DCDC2: variants seen among roughly 807,000 people sequenced by gnomAD.
DCDC2 encodes doublecortin domain containing 2, also known as doublecortin domain-containing protein 2.
DCDC2 carries 40 observed loss-of-function variants against 50.2 expected under a neutral mutation model. The ratio of observed to expected loss-of-function variants is 0.80; its 90% confidence interval spans 0.62 to 1.04. DCDC2 has a LOEUF of 1.04. Ranked by LOEUF, DCDC2 falls within the 50% of genes least tolerant of loss-of-function variation. The pLI, the probability that DCDC2 is intolerant of heterozygous loss-of-function variation, is 0.00. For missense variants in DCDC2, 570 were observed against 581.9 expected, an observed-to-expected ratio of 0.98 and a Z score of 0.21; for synonymous variants, 234 against 210.6, an observed-to-expected ratio of 1.11 and a Z score of -0.96.
intron 7 of DCDC2, among the ~76,000 whole-genome samples, chr6:24,240,068 T>G (rs1762533293): frequency 6.6e-6 from 1 of 152,200 alleles, no homozygotes; most frequent in African/African-American, 2.4e-5. Context: ...CAATGTAATA[T>G]AGTTAAAATA....
intron 4 of DCDC2, among the ~76,000 whole-genome samples, chr6:24,291,634 C>T (rs1468331931): frequency 6.6e-6 from 1 of 151,180 alleles, no homozygotes; most frequent in Non-Finnish European, 1.5e-5. Flanking sequence ...TACAGGCGCC[C>T]GCCACTACGC....
intron 2 of DCDC2, among the ~76,000 whole-genome samples, chr6:24,333,884 T>G (rs1425853754): frequency 6.6e-6 from 1 of 152,096 alleles, no homozygotes; most frequent in Non-Finnish European, 1.5e-5. Flanking sequence ...GAGGGTGAAT[T>G]TCAGAAACAG....
At chr6:24,354,099 A>G (rs1760423617) in intron 1 of DCDC2, among the ~76,000 whole-genome samples, 1 of 152,178 alleles carries the variant, frequency 6.6e-6, no homozygotes. Flanking sequence ...ACACTCACTC[A>G]TGTGGGATGA....
chr6:24,231,428 C>T (rs943185588), intron 7 of DCDC2, among the ~76,000 whole-genome samples: 1 of 152,166 alleles, frequency 6.6e-6, no homozygotes, highest in Admixed American at 6.5e-5. Context: ...GAAGCTGACT[C>T]TTTCTCTGGA....
intron 2 of DCDC2, among the ~76,000 whole-genome samples, chr6:24,305,380 C>T (rs1439651567): frequency 1.3e-5 from 2 of 152,228 alleles, no homozygotes; most frequent in African/African-American, 4.8e-5. Context: ...TTACTGTTTT[C>T]AGATACACTA....
chr6:24,321,925 A>T (rs1331040057), intron 2 of DCDC2, among the ~76,000 whole-genome samples: 2 of 151,446 alleles, frequency 1.3e-5, no homozygotes, highest in Admixed American at 1.3e-4. Context: ...TTTCTTGAAG[A>T]CTAGTTTTGT....
intron 7 of DCDC2, among the ~76,000 whole-genome samples, chr6:24,210,179 C>A (rs1259009539): frequency 6.6e-6 from 1 of 151,990 alleles, no homozygotes; most frequent in African/African-American, 2.4e-5. Context: ...TATTGGCCCA[C>A]CTCAGAGCTG....
intron 2 of DCDC2, among the ~76,000 whole-genome samples, chr6:24,338,617 T>C (rs568660412): frequency 5.3e-5 from 8 of 152,330 alleles, no homozygotes; most frequent in African/African-American, 1.9e-4. Flanking sequence ...AATTCCCTGA[T>C]GAAATCCCTT....
At chr6:24,245,342 C>A (rs528996044) in intron 7 of DCDC2, among the ~76,000 whole-genome samples, 5 of 152,130 alleles carry the variant, frequency 3.3e-5, no homozygotes, top group Non-Finnish European at 7.4e-5. Flanking sequence ...AGCATAAAAC[C>A]GGGACCATTC....
the DCDC2 span, among the ~76,000 whole-genome samples, chr6:24,371,276 C>CAAAAAAA: frequency 9.8e-6 from 1 of 102,020 alleles, no homozygotes; most frequent in Non-Finnish European, 2.0e-5. Context: ...CACTCCATCT[C>CAAAAAAA]AAAAAAAAAA....
At chr6:24,227,898 G>A (rs1762264641) in intron 7 of DCDC2, among the ~76,000 whole-genome samples, 1 of 152,206 alleles carries the variant, frequency 6.6e-6, no homozygotes, top group South Asian at 2.1e-4. Flanking sequence ...CAGGAAGGAA[G>A]AGATTAAAGA....
intron 7 of DCDC2, among the ~76,000 whole-genome samples, chr6:24,229,085 C>T (rs1762289416): frequency 6.6e-6 from 1 of 152,206 alleles, no homozygotes; most frequent in Admixed American, 6.5e-5. Context: ...TTTCCTACAG[C>T]TACTGTTATA....
chr6:24,202,437 T>C (rs927712376), intron 8 of DCDC2, among the ~76,000 whole-genome samples: 2 of 152,158 alleles, frequency 1.3e-5, no homozygotes, highest in African/African-American at 2.4e-5. Context: ...CAACACTCTT[T>C]CATGCTAAAA....
At chr6:24,220,392 C>G (rs1762072886) in intron 7 of DCDC2, among the ~76,000 whole-genome samples, 1 of 152,052 alleles carries the variant, frequency 6.6e-6, no homozygotes, top group African/African-American at 2.4e-5. Context: ...TTAACAACAA[C>G]AAAAAAACAA....
intron 2 of DCDC2, among the ~76,000 whole-genome samples, chr6:24,328,415 T>C (rs1041459657): frequency 2.6e-5 from 4 of 152,252 alleles, no homozygotes; most frequent in Non-Finnish European, 5.9e-5. Flanking sequence ...ATTGAGGCCA[T>C]AACTTGTATC....
intron 7 of DCDC2, among the ~76,000 whole-genome samples, chr6:24,263,770 T>C (rs555543848): frequency 6.2e-4 from 94 of 152,258 alleles, no homozygotes; most frequent in Non-Finnish European, 6.6e-4. Context: ...CTAAGAGTTA[T>C]TGGCCTTAAA....
intron 7 of DCDC2, among the ~76,000 whole-genome samples, chr6:24,258,697 A>G (rs1056739253): frequency 6.6e-6 from 1 of 152,212 alleles, no homozygotes; most frequent in Non-Finnish European, 1.5e-5. Context: ...AGAGCCAAGT[A>G]GCCCTTTGCT....
chr6:24,227,736 T>C (rs1762260835), intron 7 of DCDC2, among the ~76,000 whole-genome samples: 1 of 152,200 alleles, frequency 6.6e-6, no homozygotes, highest in Admixed American at 6.5e-5. Context: ...CAGCACATGA[T>C]GCAAACAACA....
At position 24,355,418 on chromosome 6, in the gene DCDC2, T is replaced by C. The variant is rs556926878; in HGVS notation, c.294-1795A>G. Among the ~76,000 whole-genome samples the C allele has an allele frequency of 3.3e-5, 5 of 152,192 alleles. No homozygotes were observed. In the South Asian group the frequency reaches 1.0e-3, roughly 32 times the overall value. ...AATTGCTTTAGACGGAAATATTTAA[T>C]AAAAAATAAAGTATGTAACAAAAGG... On this transcript the variant is annotated intron_variant, in intron 1 of 9. Coordinates refer to ENST00000378454, the MANE Select transcript of DCDC2 (RefSeq NM_016356.5).
Sources: gnomAD v4.1 joint callset for allele counts (sites outside exome capture counted in the v4.1 genomes callset) on GRCh38, gnomAD v4.1.1 for gene constraint, MANE v1.5 for transcripts, NCBI Gene and HGNC (gene_info 2026-07-23, HGNC 2026-07-21) for gene names.